The following MLXIP variants were observed in gnomAD, a reference collection of about 807,000 sequenced individuals.
MLXIP encodes the protein MLX interacting protein, also known as MLX-interacting protein.
MLXIP carries 30 observed loss-of-function variants against 87.2 expected under a neutral mutation model. That is an observed-to-expected ratio of 0.34 (90% CI 0.26 to 0.47). The LOEUF (loss-of-function observed/expected upper bound fraction) is 0.47. MLXIP is among the 20% of genes least tolerant of loss of function. The probability of loss-of-function intolerance (pLI) is 1.00; values close to 1 mark genes in which losing one functional copy is unlikely to be tolerated. For synonymous variants in MLXIP, 530 were observed against 514.0 expected, an observed-to-expected ratio of 1.03 and a Z score of -0.42; for missense variants, 1,002 against 1,240.1, an observed-to-expected ratio of 0.81 and a Z score of 2.88.
intron 1 of MLXIP, among the ~76,000 whole-genome samples, chr12:122,086,798 T>A (rs1952173893): frequency 6.6e-6 from 1 of 152,172 alleles, no homozygotes; most frequent in Non-Finnish European, 1.5e-5. Context: ...AGACTGGTCC[T>A]GGGTTCCAGG....
chr12:122,124,229 C>CGT (rs1952836364), intron 1 of MLXIP, among the ~76,000 whole-genome samples: 3 of 72,562 alleles, frequency 4.1e-5, no homozygotes, highest in South Asian at 1.3e-3. Flanking sequence ...CGTCCCCCCA[C>CGT]CCTCAGCCGT....
intron 1 of MLXIP, among the ~76,000 whole-genome samples, chr12:122,093,463 GTT>G (rs1952281390): frequency 3.5e-5 from 5 of 143,544 alleles, no homozygotes; most frequent in African/African-American, 1.3e-4. Flanking sequence ...GTGTGTGTAT[GTT>G]TGCGGTGTGT....
intron 1 of MLXIP, among the ~76,000 whole-genome samples, chr12:122,099,249 C>T (rs1186523540): frequency 6.6e-6 from 1 of 152,026 alleles, no homozygotes; most frequent in African/African-American, 2.4e-5. Context: ...TCCAAAAAAA[C>T]CAAAACAAAC....
intron 6 of MLXIP, among the ~76,000 whole-genome samples, chr12:122,130,486 G>A (rs11061153): frequency 0.18 from 27,436 of 151,006 alleles, 2,711 homozygotes; most frequent in East Asian, 0.26. Flanking sequence ...AAGCACTCCC[G>A]GGTGTGACCG....
intron 1 of MLXIP, among the ~76,000 whole-genome samples, chr12:122,091,684 T>C (rs546780862): frequency 2.0e-5 from 3 of 152,350 alleles, no homozygotes; most frequent in African/African-American, 7.2e-5. Flanking sequence ...TTTCATAAAG[T>C]CATGGTTATG....
At chr12:122,127,403 T>C in intron 2 of MLXIP, 41 bp downstream of exon 2, 1 of 1,471,770 alleles carries the variant, frequency 6.8e-7, no homozygotes, top group Non-Finnish European at 9.3e-7. Context: ...TGGTCAGAAC[T>C]TCACGGCCTG....
chr12:122,125,265 G>T (rs1342188314), intron 1 of MLXIP, among the ~76,000 whole-genome samples: 1 of 151,526 alleles, frequency 6.6e-6, no homozygotes, highest in Admixed American at 6.6e-5. Context: ...CCAGGAGGCG[G>T]AAGTTGCAGT....
rs1952906733 is a variant in MLXIP, at chr12:122,127,908, G to T, written c.546G>T (p.Val182=). 1.9e-6 allele frequency: 3 copies of T among 1,613,716 alleles called. No homozygotes were observed. Among genetic ancestry groups the T allele is most frequent in the African/African-American group, 1.3e-5 (1 of 74,908 alleles). The change falls in exon 3 of 17, where the codon GTG becomes GTT. Residue 182 remains valine (V), a synonymous_variant. Transcript: ENST00000319080. ...ATCTGGAGAAGCGCAAGAATCCTGT[G>T]TGCCACTTTGTGACACCCCTGGACG... ...MQYLEKRKNP[V]CHFVTPLDGS...
At chr12:122,093,661 TATG>T (rs1952287935) in intron 1 of MLXIP, among the ~76,000 whole-genome samples, 1 of 119,814 alleles carries the variant, frequency 8.3e-6, no homozygotes, top group Non-Finnish European at 1.7e-5. Context: ...TGTGTGTTGA[TATG>T]TGTGTGTGGT....
chr12:122,139,109 C>A, intron 15 of MLXIP, 171 bp downstream of exon 15: 1 of 619,838 alleles, frequency 1.6e-6, no homozygotes, highest in Non-Finnish European at 2.0e-6. Flanking sequence ...GCCTGGCCTG[C>A]TGTGTGGGCT....
intron 13 of MLXIP, 64 bp from the exon 14 acceptor site, chr12:122,138,360 G>C: frequency 1.2e-6 from 2 of 1,612,120 alleles, no homozygotes; most frequent in Non-Finnish European, 1.7e-6. Flanking sequence ...TCCCTGCGTG[G>C]TCATTGCTGG....
intron 15 of MLXIP, among the ~76,000 whole-genome samples, chr12:122,139,518 C>T (rs1024958060): frequency 7.9e-5 from 12 of 152,218 alleles, no homozygotes; most frequent in African/African-American, 2.7e-4. Flanking sequence ...TCTGAGTAAA[C>T]GGTCGGCACA....
At position 122,094,004 on chromosome 12, in the gene MLXIP, GGT is replaced by G. The variant is rs1398940679; in HGVS notation, c.413+14746_413+14747del. On this transcript the variant is annotated intron_variant, in intron 1 of 16. Transcript: ENST00000319080. ...TGTGTGTGTTTGCGGTGTCTGGTGT[GGT>G]GTGTGTGCAGGGTGTGGGTGTATTT... 5.0e-5 allele frequency among the ~76,000 whole-genome samples: 7 copies of G among 139,114 alleles called. No homozygotes were observed. In the East Asian group the frequency reaches 1.4e-3, roughly 28 times the overall value. 91.3% of individuals were successfully genotyped at this position (139,114 alleles called of 152,430 possible). A position where few individuals can be genotyped will look rare whatever the true frequency, so the allele number is the denominator to read the frequency against.
chr12:122,134,304 C>T, intron 9 of MLXIP: 1 of 368,752 alleles, frequency 2.7e-6, no homozygotes, highest in Non-Finnish European at 4.9e-6. Flanking sequence ...AAGCGATTCT[C>T]CTTCGTCAGC....
intron 15 of MLXIP, among the ~76,000 whole-genome samples, chr12:122,140,329 C>T (rs1033572723): frequency 4.6e-5 from 7 of 152,152 alleles, no homozygotes; most frequent in Non-Finnish European, 8.8e-5. Flanking sequence ...CAGAGTCTTG[C>T]TCTGTCACCC....
chr12:122,095,643 G>GT (rs1431923416), intron 1 of MLXIP, among the ~76,000 whole-genome samples: 1,576 of 147,482 alleles, frequency 0.011, 21 homozygotes, highest in African/African-American at 0.035. Flanking sequence ...TCATAGTATA[G>GT]TTTTTTTTTT....
chr12:122,143,396 A>T lies in MLXIP; in HGVS notation c.*1584A>T, dbSNP rs752347184. 1 of 152,408 alleles carries T rather than the reference A, an allele frequency of 6.6e-6. No individual in the cohort carries two copies. Among genetic ancestry groups the T allele is most frequent in the Non-Finnish European group, 1.5e-5 (1 of 68,174 alleles). The allele number at this position is 152,408 out of a possible 1,614,324, so 9.4% of individuals were successfully genotyped here. A position where few individuals can be genotyped will look rare whatever the true frequency, so the allele number is the denominator to read the frequency against. ...AGCCCTGCACAAAAGCAGCTTGGTG[A>T]CACCACTCAGCCACCCAGAGTACGT... On this transcript the variant is annotated 3_prime_UTR_variant, in exon 17 of 17. Transcript: ENST00000319080.
At chr12:122,089,009 C>CAAAAAAAAA (rs1177216284) in intron 1 of MLXIP, among the ~76,000 whole-genome samples, 2 of 47,838 alleles carry the variant, frequency 4.2e-5, no homozygotes, top group African/African-American at 1.2e-4. Context: ...CCCATCTCTA[C>CAAAAAAAAA]AAAAAAAAAA....
intron 1 of MLXIP, among the ~76,000 whole-genome samples, chr12:122,085,949 G>C (rs1952162702): frequency 6.6e-6 from 1 of 152,142 alleles, no homozygotes; most frequent in South Asian, 2.1e-4. Context: ...CTTAACATAG[G>C]GAGATTATCT....
Sources: allele counts gnomAD v4.1 joint callset (sites outside exome capture counted in the v4.1 genomes callset), GRCh38; gene constraint gnomAD v4.1.1; transcripts MANE v1.5; gene names NCBI Gene and HGNC (gene_info 2026-07-23, HGNC 2026-07-21).